MACF1: variants seen among roughly 807,000 people sequenced by gnomAD.
MACF1 encodes microtubule-actin cross-linking factor 1.
Under a neutral mutation model 854.8 loss-of-function variants are expected in MACF1, and 193 were observed. The observed-to-expected ratio is 0.23, with a 90% CI of 0.20 to 0.25. The LOEUF is 0.25. MACF1 is among the 10% of genes least tolerant of loss of function. The pLI is 1.00. For synonymous variants in MACF1, 3,185 were observed against 3,226.7 expected (o/e 0.99, Z 0.44); for missense variants, 7,722 against 8,929.1 (o/e 0.86, Z 5.45).
At chr1:39,389,604 C>G (rs919459486) in intron 58 of MACF1, among the ~76,000 whole-genome samples, 1 of 152,000 alleles carries the variant, frequency 6.6e-6, no homozygotes, top group East Asian at 1.9e-4. Context: ...AAGTGATCCA[C>G]CCGCCCTAGC....
chr1:39,430,090 A>G (rs1301323669), intron 65 of MACF1, 22 bp downstream of exon 65: 1 of 1,591,626 alleles, frequency 6.3e-7, no homozygotes, highest in East Asian at 2.2e-5. Context: ...CTTTACCATA[A>G]AAAGAAAAAA....
chr1:39,124,327 A>T (rs74069442), intron 2 of MACF1, among the ~76,000 whole-genome samples: 11,593 of 152,192 alleles, frequency 0.076, 701 homozygotes, highest in African/African-American at 0.17. Context: ...TACCTGTGTG[A>T]CTTTAGATAA....
chr1:39,392,657 A>AC (rs564861515), intron 58 of MACF1, among the ~76,000 whole-genome samples: 14 of 151,956 alleles, frequency 9.2e-5, no homozygotes, highest in Non-Finnish European at 8.8e-5. Flanking sequence ...CCTGTGAAGA[A>AC]CCCCCCAGTC....
At chr1:39,359,336 A>T (rs1019182926) in intron 47 of MACF1, 72 bp downstream of exon 47, 2 of 1,535,948 alleles carry the variant, frequency 1.3e-6, no homozygotes, top group Non-Finnish European at 1.8e-6. Context: ...AATATGTCAC[A>T]TTGTGTTGTG....
chr1:39,088,634 G>C (rs1406971399), intron 2 of MACF1, among the ~76,000 whole-genome samples: 2 of 152,172 alleles, frequency 1.3e-5, no homozygotes, highest in Admixed American at 1.3e-4. Context: ...CTTAATGGTG[G>C]GGAGCAACAA....
chr1:39,286,446 A>C (rs1645645073), intron 14 of MACF1, among the ~76,000 whole-genome samples: 1 of 151,872 alleles, frequency 6.6e-6, no homozygotes, highest in South Asian at 2.1e-4. Flanking sequence ...AAATTATGTA[A>C]AGTCATGTGG....
chr1:39,268,583 G>A (rs948516081), intron 6 of MACF1: 34 of 1,180,462 alleles, frequency 2.9e-5, no homozygotes, highest in South Asian at 8.1e-5. Context: ...AGGGATTGCC[G>A]GCATAGTGCA....
At position 39,479,993 on chromosome 1, in the gene MACF1, C is replaced by G. The variant is rs774705270; in HGVS notation, c.22154C>G (p.Pro7385Arg). The G allele has an allele frequency of 6.2e-7, 1 of 1,614,230 alleles. No homozygotes were observed. The highest frequency in any genetic ancestry group is 8.5e-7 in the Non-Finnish European group (1 of 1,180,030). The change falls in exon 98 of 101, where the codon CCA (proline) becomes CGA (arginine). Residue 7385 changes from proline to arginine, a missense_variant. Pro to Arg is a moderately radical substitution (Grantham distance 103). Transcript: ENST00000564288. ...TCCATGCCATCTTCTCCAGCCACCC[C>G]AGCCAGTGGAACCAAGGTATGTACT... ...CTSMPSSPAT[P>R]ASGTKTSLQF... is the part of the protein sequence containing the mutation.
At chr1:39,412,816 C>G in intron 58 of MACF1, 5 of 1,612,588 alleles carry the variant, frequency 3.1e-6, no homozygotes, top group Non-Finnish European at 4.2e-6. Flanking sequence ...AGATGCTGCA[C>G]TGCCCAGCCC....
At chr1:39,373,815 T>C (rs187754225) in intron 52 of MACF1, among the ~76,000 whole-genome samples, 1 of 150,268 alleles carries the variant, frequency 6.7e-6, no homozygotes, top group East Asian at 2.0e-4. Context: ...ATCGTGCCAC[T>C]GTATTCCAGC....
At chr1:39,325,122 T>A (rs1179216743) in intron 35 of MACF1, among the ~76,000 whole-genome samples, 1 of 152,234 alleles carries the variant, frequency 6.6e-6, no homozygotes, top group Non-Finnish European at 1.5e-5. Context: ...ATGAAAATTA[T>A]CGCATAAAGT....
chr1:39,190,395 G>GTTTTTTTTTTTTTTTTTTTT (rs750262685), intron 2 of MACF1, among the ~76,000 whole-genome samples: 1 of 79,040 alleles, frequency 1.3e-5, no homozygotes, highest in Non-Finnish European at 2.4e-5. Flanking sequence ...GTGTGTGTTT[G>GTTTTTTTTTTTTTTTTTTTT]TTTTTGTTTT....
At chr1:39,277,336 T>A (rs1645456909) in intron 6 of MACF1, among the ~76,000 whole-genome samples, 1 of 152,202 alleles carries the variant, frequency 6.6e-6, no homozygotes, top group Non-Finnish European at 1.5e-5. Context: ...AAAACATTGA[T>A]GTTAAAGATG....
Position 39,486,096 on chromosome 1 carries a change from GT to G in MACF1, c.*305del. 1 of 218,062 alleles carries G rather than the reference GT, an allele frequency of 4.6e-6. No homozygotes were observed. Among genetic ancestry groups the G allele is most frequent in the East Asian group, 1.0e-4 (1 of 9,952 alleles). 13.5% of individuals were successfully genotyped at this position (218,062 alleles called of 1,614,324 possible). A position where few individuals can be genotyped will look rare whatever the true frequency, so the allele number is the denominator to read the frequency against. On this transcript the variant is annotated 3_prime_UTR_variant, in exon 101 of 101. Transcript: ENST00000564288. The stretch of plus-strand genomic sequence containing the variant: ...AAAAAAAAAAAAGCCTATTAATAGG[GT>G]TTCTGCGCGGTGCAGGGTTGTAAAC...
At chr1:39,305,277 A>T (rs868802118) in intron 23 of MACF1, among the ~76,000 whole-genome samples, 14 of 149,458 alleles carry the variant, frequency 9.4e-5, no homozygotes, top group Non-Finnish European at 1.3e-4. Flanking sequence ...AAAAAAAAAA[A>T]GTGTGTGTGT....
chr1:39,232,200 T>G (rs1181392178), intron 2 of MACF1, among the ~76,000 whole-genome samples: 2 of 151,232 alleles, frequency 1.3e-5, no homozygotes, highest in Non-Finnish European at 2.9e-5. Context: ...ATGTTAAGAC[T>G]CACCTAAAGA....
chr1:39,125,369 A>ACC (rs1447945757), intron 2 of MACF1, among the ~76,000 whole-genome samples: 3 of 152,164 alleles, frequency 2.0e-5, no homozygotes, highest in Admixed American at 1.3e-4. Context: ...CTAAACATTG[A>ACC]TTTCCTCGTT....
chr1:39,167,487 A>G (rs963939736), intron 2 of MACF1, among the ~76,000 whole-genome samples: 4 of 151,798 alleles, frequency 2.6e-5, no homozygotes, highest in African/African-American at 9.7e-5. Context: ...TGAGCGGATC[A>G]CCTGAAGTCA....
chr1:39,326,782 G>C (rs1433578418), intron 35 of MACF1, among the ~76,000 whole-genome samples: 1 of 151,662 alleles, frequency 6.6e-6, no homozygotes, highest in Non-Finnish European at 1.5e-5. Flanking sequence ...CTAGACAACA[G>C]GTAAATAAGA....
Sources: allele counts gnomAD v4.1 joint callset (sites outside exome capture counted in the v4.1 genomes callset), GRCh38; gene constraint gnomAD v4.1.1; transcripts MANE v1.5; gene names NCBI Gene and HGNC (gene_info 2026-07-23, HGNC 2026-07-21).